Variants in RHOBTB3 observed in about 807,000 individuals in gnomAD.
RHOBTB3 encodes rho-related BTB domain-containing protein 3.
Under a neutral mutation model 67.2 loss-of-function variants are expected in RHOBTB3, and 47 were observed. The observed-to-expected ratio is 0.70, with a 90% CI of 0.55 to 0.89. The LOEUF is 0.89. Among genes scored for constraint, RHOBTB3 ranks in the 40% least tolerant of loss-of-function variants. The pLI is 0.00. For missense variants in RHOBTB3, 631 were observed against 750.0 expected, an observed-to-expected ratio of 0.84 and a Z score of 1.85; for synonymous variants, 273 against 274.2, an observed-to-expected ratio of 1.00 and a Z score of 0.04.
Position 95,755,639 on chromosome 5 carries a change from A to T in RHOBTB3, c.926A>T (p.Asn309Ile). The stretch of plus-strand genomic sequence containing the variant: ...ACTACCCAGGATCTTTTTGCTATAA[A>T]CAGAGATACTGCATTTCCAGGTGCT... Reference protein sequence around the residue: ...IRTTQDLFAINRDTAFPGASH... With the variant: ...IRTTQDLFAIIRDTAFPGASH... The change falls in exon 6 of 12, where the codon AAC becomes ATC. Residue 309 changes from asparagine to isoleucine, a missense_variant. Transcript: ENST00000379982. 6.2e-7 allele frequency: 1 copy of T among 1,614,184 alleles called. No homozygotes were observed. Among genetic ancestry groups the T allele is most frequent in the Non-Finnish European group, 8.5e-7 (1 of 1,180,040 alleles).
At chr5:95,736,760 C>CT in intron 2 of RHOBTB3, 129 bp from the exon 3 acceptor site, 2 of 618,734 alleles carry the variant, frequency 3.2e-6, no homozygotes, top group Non-Finnish European at 5.4e-6. Context: ...GACTGCAACA[C>CT]TTTTAATTTC....
intron 8 of RHOBTB3, among the ~76,000 whole-genome samples, chr5:95,773,434 C>G (rs1197466381): frequency 1.3e-5 from 2 of 152,050 alleles, no homozygotes; most frequent in African/African-American, 2.4e-5. Context: ...GCAAGGCACA[C>G]CAGCTCCTGA....
At chr5:95,777,736 G>A (rs1035970440) in intron 8 of RHOBTB3, among the ~76,000 whole-genome samples, 2 of 152,206 alleles carry the variant, frequency 1.3e-5, no homozygotes, top group Non-Finnish European at 2.9e-5. Context: ...TTAAAGAGGT[G>A]AAAAACTGAA....
chr5:95,788,804 A>G lies in RHOBTB3; in HGVS notation c.1666A>G (p.Ile556Val). 1 of 1,585,220 alleles carries G rather than the reference A, an allele frequency of 6.3e-7. No individual in the cohort carries two copies. The highest frequency in any genetic ancestry group is 1.2e-5 in the South Asian group (1 of 84,502). The part of the protein sequence containing the change: ...DCLSTWLLHF[I>V]ATNYLIFSQK... Reference sequence around the variant, plus strand: ...CCTTTCAACCTGGCTACTTCATTTCATTGCTACTAACTACCTCATCTTCAG... The same window carrying G: ...CCTTTCAACCTGGCTACTTCATTTCGTTGCTACTAACTACCTCATCTTCAG... The change falls in exon 11 of 12, where the codon ATT becomes GTT. Residue 556 changes from isoleucine (I) to valine (V), a missense_variant. By Grantham distance (29) the Ile-to-Val change is conservative. Coordinates refer to ENST00000379982, the MANE Select transcript of RHOBTB3 (RefSeq NM_014899.4).
chr5:95,749,509 C>A (rs1745029262), intron 4 of RHOBTB3, among the ~76,000 whole-genome samples: 1 of 152,178 alleles, frequency 6.6e-6, no homozygotes, highest in Admixed American at 6.5e-5. Context: ...GATATACTCA[C>A]AATATTGATA....
At chr5:95,742,837 C>T (rs1210998979) in intron 3 of RHOBTB3, among the ~76,000 whole-genome samples, 1 of 152,172 alleles carries the variant, frequency 6.6e-6, no homozygotes, top group Non-Finnish European at 1.5e-5. Flanking sequence ...CTTCGGGAGG[C>T]CGAGGCGGGC....
At chr5:95,748,115 T>A (rs1251510972) in intron 3 of RHOBTB3, among the ~76,000 whole-genome samples, 3 of 151,866 alleles carry the variant, frequency 2.0e-5, no homozygotes, top group African/African-American at 7.3e-5. Context: ...ATTTTTCTAT[T>A]TTCTAAAATA....
At chr5:95,775,889 T>C (rs1745861769) in intron 8 of RHOBTB3, among the ~76,000 whole-genome samples, 1 of 152,044 alleles carries the variant, frequency 6.6e-6, no homozygotes, top group Non-Finnish European at 1.5e-5. Context: ...CAGTAATCAG[T>C]CTCAAATCTT....
chr5:95,746,975 C>T (rs1744933576), intron 3 of RHOBTB3, among the ~76,000 whole-genome samples: 1 of 152,338 alleles, frequency 6.6e-6, no homozygotes, highest in Non-Finnish European at 1.5e-5. Flanking sequence ...AATTCATTCA[C>T]AGGGAAGTTG....
upstream of RHOBTB3, chr5:95,731,136 C>T (rs1755220186): frequency 2.0e-6 from 2 of 1,018,514 alleles, no homozygotes; most frequent in East Asian, 2.1e-4. Flanking sequence ...ATTTATATTC[C>T]GCGGCGCCCC....
intron 4 of RHOBTB3, among the ~76,000 whole-genome samples, chr5:95,750,938 A>G (rs1745072171): frequency 6.6e-6 from 1 of 152,258 alleles, no homozygotes; most frequent in African/African-American, 2.4e-5. Flanking sequence ...ATTTAAATAT[A>G]AATCTTGCCT....
intron 3 of RHOBTB3, among the ~76,000 whole-genome samples, chr5:95,738,205 A>G (rs1755500090): frequency 1.3e-5 from 2 of 152,194 alleles, no homozygotes; most frequent in South Asian, 4.1e-4. Context: ...AGTAGATACA[A>G]GTAAGGCAGG....
At chr5:95,783,589 G>GAAA in intron 9 of RHOBTB3, 1 of 197,188 alleles carries the variant, frequency 5.1e-6, no homozygotes, top group South Asian at 1.5e-4. Context: ...AAAAAAAGAA[G>GAAA]AAGAAGAAAG....
chr5:95,778,567 C>T (rs934752294), intron 8 of RHOBTB3, among the ~76,000 whole-genome samples: 17 of 152,298 alleles, frequency 1.1e-4, no homozygotes, highest in African/African-American at 4.1e-4. Flanking sequence ...GGTTACTTAT[C>T]AAATTCTACC....
chr5:95,753,200 C>T (rs1258595042), intron 5 of RHOBTB3, among the ~76,000 whole-genome samples: 1 of 149,782 alleles, frequency 6.7e-6, no homozygotes, highest in Admixed American at 6.7e-5. Context: ...TTAAATATTT[C>T]AGCTGTGTGT....
chr5:95,772,493 T>A (rs1745746183), intron 8 of RHOBTB3, among the ~76,000 whole-genome samples: 1 of 152,190 alleles, frequency 6.6e-6, no homozygotes, highest in African/African-American at 2.4e-5. Context: ...CTGCTCTTTT[T>A]TTTTAACCTA....
chr5:95,731,624 G>T lies in RHOBTB3; in HGVS notation c.-59G>T. 6.2e-7 allele frequency: 1 copy of T among 1,608,098 alleles called. No individual in the cohort carries two copies. The highest frequency in any genetic ancestry group is 8.5e-7 in the Non-Finnish European group (1 of 1,177,784). The stretch of plus-strand genomic sequence containing the variant: ...GGTGAACTCGCCGCCCGGGGGCCCC[G>T]CGAAGCCGTGAGCCGCTGCTTTTCT... On this transcript the variant is annotated 5_prime_UTR_variant, in exon 1 of 12. Transcript: ENST00000379982.
rs1172278996 is a variant in RHOBTB3 at position 95,732,051 on chromosome 5, T to C, written c.195T>C (p.Asn65=). ...AGTATCAGGCCAGTGCGTTTGGGAA[T>C]GTCAAGCTGGTGGTCCACGACTGTC... is the stretch of plus-strand genomic sequence containing the variant. ...FTEYQASAFG[N]VKLVVHDCPV... Residue 65 remains asparagine, a synonymous_variant, in exon 2 of 12, where the codon AAT becomes AAC. Transcript: ENST00000379982. 14 of 1,614,068 alleles carry C rather than the reference T, an allele frequency of 8.7e-6. No individual in the cohort carries two copies. Among genetic ancestry groups the C allele is most frequent in the Non-Finnish European group, 1.1e-5 (13 of 1,180,038 alleles).
At chr5:95,746,176 G>A (rs1035283815) in intron 3 of RHOBTB3, among the ~76,000 whole-genome samples, 2 of 152,096 alleles carry the variant, frequency 1.3e-5, no homozygotes, top group African/African-American at 2.4e-5. Flanking sequence ...TTACAACCAC[G>A]CACAGTGGAA....
Sources: gnomAD v4.1 joint callset for allele counts (sites outside exome capture counted in the v4.1 genomes callset) on GRCh38, gnomAD v4.1.1 for gene constraint, MANE v1.5 for transcripts, NCBI Gene and HGNC (gene_info 2026-07-23, HGNC 2026-07-21) for gene names.